Variants in DUSP28 observed in about 807,000 individuals in gnomAD.
The protein encoded by DUSP28 is dual specificity phosphatase 28.
In DUSP28, 11 loss-of-function variants were observed where a neutral mutation model predicts 8.4. The observed-to-expected ratio is 1.31, with a 90% CI of 0.83 to 2.17. The LOEUF (loss-of-function observed/expected upper bound fraction) is 2.17, where lower values mean the gene tolerates loss of function less well. Ranked by LOEUF, DUSP28 falls within the 30% of genes most tolerant of loss-of-function variation. The pLI is 0.00. For missense variants in DUSP28, 373 were observed against 270.4 expected, an observed-to-expected ratio of 1.38 and a Z score of -2.66; for synonymous variants, 178 against 130.9, an observed-to-expected ratio of 1.36 and a Z score of -2.46.
rs2092971144 is a variant in DUSP28, at chr2:240,562,069, T to A, written c.*602T>A. The A allele has an allele frequency of 6.6e-6, 1 of 152,060 alleles. No homozygotes were observed. The highest frequency in any genetic ancestry group is 2.4e-5 in the African/African-American group (1 of 41,374). 9.4% of individuals were successfully genotyped at this position (152,060 alleles called of 1,614,324 possible). A position where few individuals can be genotyped will look rare whatever the true frequency, so the allele number is the denominator to read the frequency against. On this transcript the variant is annotated 3_prime_UTR_variant, in exon 2 of 2. Transcript: ENST00000405954. ...GAGTTCGGACAATTACGGACATCCT[T>A]TTTCTTTCTCTCTTTCTTTTTTTTT...
intron 1 of DUSP28, 56 bp downstream of exon 1, chr2:240,561,133 A>C (rs754471524): frequency 2.0e-5 from 29 of 1,451,246 alleles, no homozygotes; most frequent in South Asian, 1.9e-4. Context: ...TCCGGGGACG[A>C]GTTTTCCGGG....
chr2:240,560,927 C>T lies in DUSP28; in HGVS notation c.243C>T (p.His81=). Residue 81 remains histidine (H), a synonymous_variant, in exon 1 of 2, where the codon CAC becomes CAT. Transcript: ENST00000405954. The part of the protein sequence containing the change: ...FDDPAEDLLA[H]LEPTCAAMEA... ...ACCCGGCTGAGGACCTGCTGGCGCACCTGGAGCCCACGTGCGCCGCCATGG... is the reference window on the plus strand; with the variant it reads ...ACCCGGCTGAGGACCTGCTGGCGCATCTGGAGCCCACGTGCGCCGCCATGG... 1.9e-6 allele frequency: 3 copies of T among 1,539,268 alleles called. No individual in the cohort carries two copies. The highest frequency in any genetic ancestry group is 1.2e-5 in the South Asian group (1 of 84,846).
At position 240,562,367 on chromosome 2, in the gene DUSP28, T is replaced by C. The variant is rs1412072903; in HGVS notation, c.*900T>C. ...TCCCAAAGTGCTGGGATTACAGGCG[T>C]GAGCCACCGTGCCCAGCCTCCTTTT... On this transcript the variant is annotated 3_prime_UTR_variant, in exon 2 of 2. Transcript: ENST00000405954. 1 of 152,256 alleles carries C rather than the reference T, an allele frequency of 6.6e-6. No individual in the cohort carries two copies. The highest frequency in any genetic ancestry group is 1.5e-5 in the Non-Finnish European group (1 of 68,060). The allele number at this position is 152,256 out of a possible 1,614,324, so 9.4% of individuals were successfully genotyped here.
In DUSP28 at chr2:240,561,883, T is replaced by C. The variant is rs2092967726; in HGVS notation, c.*416T>C. 6.4e-6 allele frequency: 1 copy of C among 155,880 alleles called. No homozygotes were observed. The highest frequency in any genetic ancestry group is 1.8e-4 in the South Asian group (1 of 5,582). The allele number at this position is 155,880 out of a possible 1,614,324, so 9.7% of individuals were successfully genotyped here. A position where few individuals can be genotyped will look rare whatever the true frequency, so the allele number is the denominator to read the frequency against. On this transcript the variant is annotated 3_prime_UTR_variant, in exon 2 of 2. Transcript: ENST00000405954. The stretch of plus-strand genomic sequence containing the variant: ...GTCATAAGAACGGACTAGTTCTTCC[T>C]GCGTGACCACGGATGCTTCTGTTTG...
rs774132470 is a variant in DUSP28, at chr2:240,561,340, GC to G, written c.405del (p.Ser135ArgfsTer5). 6.2e-7 allele frequency: 1 copy of G among 1,613,782 alleles called. No individual in the cohort carries two copies. The highest frequency in any genetic ancestry group is 1.7e-4 in the Middle Eastern group (1 of 6,052). ...ACTTCTTGTTTGCAGATGGTGAAGA[GC>G]GCTCGCCCGGTAGCAGAACCGAACC... ...SLAKAFQMVK[S>X]ARPVAEPNPG... On this transcript the variant is annotated frameshift_variant, in exon 2 of 2. Coordinates refer to ENST00000405954, the MANE Select transcript of DUSP28 (RefSeq NM_001370465.2). LOFTEE classifies it low-confidence loss of function (END_TRUNC).
In DUSP28 at chr2:240,560,560, G is replaced by C. The variant is rs1387378787; in HGVS notation, c.-125G>C. The C allele has an allele frequency of 2.2e-5, 28 of 1,273,824 alleles. No homozygotes were observed. Among genetic ancestry groups the C allele is most frequent in the Non-Finnish European group, 2.2e-5 (22 of 1,001,512 alleles). The allele number at this position is 1,273,824 out of a possible 1,614,324, so 78.9% of individuals were successfully genotyped here. On this transcript the variant is annotated 5_prime_UTR_variant, in exon 1 of 2. Transcript: ENST00000405954. Reference sequence around the variant, plus strand: ...CCCAAGCCCCAGCCTGGTCCACCTCGGAGGCCTCTAGGACCCGGGGGCGCC... The same window carrying C: ...CCCAAGCCCCAGCCTGGTCCACCTCCGAGGCCTCTAGGACCCGGGGGCGCC...
Position 240,561,696 on chromosome 2 carries a change from A to G in DUSP28, c.*229A>G, listed in dbSNP as rs1575429314. On this transcript the variant is annotated 3_prime_UTR_variant, in exon 2 of 2. Transcript: ENST00000405954. ...GAAGACAAATTAAGAAAAAGCAAAT[A>G]GGGATCCTCCATTATTTACACTCCA... 7 of 601,986 alleles carry G rather than the reference A, an allele frequency of 1.2e-5. No homozygotes were observed. In the East Asian group the frequency reaches 2.3e-4, roughly 20 times the overall value. The allele number at this position is 601,986 out of a possible 1,614,324, so 37.3% of individuals were successfully genotyped here.
chr2:240,561,664 A>G lies in DUSP28; in HGVS notation c.*197A>G. ...GACACAAAAAGAAATACATTTGGTA[A>G]AACATCGAAGACAAATTAAGAAAAA... On this transcript the variant is annotated 3_prime_UTR_variant, in exon 2 of 2. Coordinates refer to ENST00000405954, the MANE Select transcript of DUSP28 (RefSeq NM_001370465.2). 1 of 790,272 alleles carries G rather than the reference A, an allele frequency of 1.3e-6. No individual in the cohort carries two copies. The highest frequency in any genetic ancestry group is 2.9e-5 in the East Asian group (1 of 34,044). The allele number at this position is 790,272 out of a possible 1,614,324, so 49.0% of individuals were successfully genotyped here.
rs966879537 is a variant in DUSP28, at chr2:240,560,816, A to G, written c.132A>G (p.Gly44=). 1 of 1,435,916 alleles carries G rather than the reference A, an allele frequency of 7.0e-7. No homozygotes were observed. Among genetic ancestry groups the G allele is most frequent in the African/African-American group, 1.5e-5 (1 of 67,308 alleles). 88.9% of individuals were successfully genotyped at this position (1,435,916 alleles called of 1,614,324 possible). ...AGAEEQLARA[G]VTLCVNVSRQ... is the part of the protein sequence containing the mutation. ...CGGAGGAGCAGCTGGCGCGCGCGGGAGTCACGCTGTGCGTCAACGTCTCCC... is the reference window on the plus strand; with the variant it reads ...CGGAGGAGCAGCTGGCGCGCGCGGGGGTCACGCTGTGCGTCAACGTCTCCC... Residue 44 remains glycine, a synonymous_variant, in exon 1 of 2, where the codon GGA becomes GGG. Coordinates refer to ENST00000405954, the MANE Select transcript of DUSP28 (RefSeq NM_001370465.2).
At position 240,561,854 on chromosome 2, in the gene DUSP28, T is replaced by C. The variant is rs1365622942; in HGVS notation, c.*387T>C. 1.2e-5 allele frequency: 2 copies of C among 164,232 alleles called. No individual in the cohort carries two copies. The highest frequency in any genetic ancestry group is 2.4e-5 in the African/African-American group (1 of 41,750). 10.2% of individuals were successfully genotyped at this position (164,232 alleles called of 1,614,324 possible). On this transcript the variant is annotated 3_prime_UTR_variant, in exon 2 of 2. Coordinates refer to ENST00000405954, the MANE Select transcript of DUSP28 (RefSeq NM_001370465.2). ...CAACTCTTCTTGTGTTTATTTTTAG[T>C]AGTGTCATAAGAACGGACTAGTTCT...
At position 240,564,218 on chromosome 2, in the gene DUSP28, T is replaced by G. The variant is rs1559412478; in HGVS notation, c.*2751T>G. Among the ~76,000 whole-genome samples the G allele has an allele frequency of 6.6e-6, 1 of 152,232 alleles. No homozygotes were observed. Among genetic ancestry groups the G allele is most frequent in the South Asian group, 2.1e-4 (1 of 4,834 alleles). Reference sequence around the variant, plus strand: ...CCTGTCTAGGAAGTATGGTTTTCCATCCTTCCTACTGCTTTCTTCACAAGA... The same window carrying G: ...CCTGTCTAGGAAGTATGGTTTTCCAGCCTTCCTACTGCTTTCTTCACAAGA... On this transcript the variant is annotated 3_prime_UTR_variant, in exon 2 of 2. Coordinates refer to ENST00000405954, the MANE Select transcript of DUSP28 (RefSeq NM_001370465.2).
At position 240,564,382 on chromosome 2, in the gene DUSP28, C is replaced by T. The variant is rs1197930738; in HGVS notation, c.*2915C>T. Among the ~76,000 whole-genome samples the T allele has an allele frequency of 6.6e-6, 1 of 152,202 alleles. No homozygotes were observed. Among genetic ancestry groups the T allele is most frequent in the Admixed American group, 6.5e-5 (1 of 15,284 alleles). ...GCCTCCACACTGAGTTTTCATTTTT[C>T]CCAGTTAAGCCCCATCTTCCGGAAA... On this transcript the variant is annotated 3_prime_UTR_variant, in exon 2 of 2. Transcript: ENST00000405954.
At position 240,564,018 on chromosome 2, in the gene DUSP28, G is replaced by A. The variant is rs987366454; in HGVS notation, c.*2551G>A. ...ATAAAATAATAATAAGAAAGCATTG[G>A]CAGCTTTGGTAAACTGCAGATTCAA... On this transcript the variant is annotated 3_prime_UTR_variant, in exon 2 of 2. Transcript: ENST00000405954. 1 of 152,344 alleles carries A rather than the reference G, an allele frequency of 6.6e-6. No homozygotes were observed. Among genetic ancestry groups the A allele is most frequent in the African/African-American group, 2.4e-5 (1 of 41,444 alleles). The allele number at this position is 152,344 out of a possible 1,614,324, so 9.4% of individuals were successfully genotyped here. A position where few individuals can be genotyped will look rare whatever the true frequency, so the allele number is the denominator to read the frequency against.
rs2092865017 is a variant in DUSP28, at chr2:240,560,419, A to C, written c.-266A>C. 1.2e-5 allele frequency: 4 copies of C among 331,850 alleles called. No individual in the cohort carries two copies. The highest frequency in any genetic ancestry group is 1.2e-4 in the South Asian group (1 of 8,560). The allele number at this position is 331,850 out of a possible 1,614,324, so 20.6% of individuals were successfully genotyped here. A position where few individuals can be genotyped will look rare whatever the true frequency, so the allele number is the denominator to read the frequency against. On this transcript the variant is annotated 5_prime_UTR_variant, in exon 1 of 2. Transcript: ENST00000405954. ...GGAGGACGGCGCCCGGGGACAGAGA[A>C]CATGGGACGCAGAGCGGTCCAAGGC...
In DUSP28 at chr2:240,560,587, G is replaced by C. The variant is rs1055551704; in HGVS notation, c.-98G>C. On this transcript the variant is annotated 5_prime_UTR_variant, in exon 1 of 2. Transcript: ENST00000405954. ...AGGCCTCTAGGACCCGGGGGCGCCC[G>C]GCGGCCCGCCCGGCTCCCACAAATA... 4 of 1,323,480 alleles carry C rather than the reference G, an allele frequency of 3.0e-6. No individual in the cohort carries two copies. The highest frequency in any genetic ancestry group is 4.1e-5 in the Admixed American group (1 of 24,636). The allele number at this position is 1,323,480 out of a possible 1,614,324, so 82.0% of individuals were successfully genotyped here.
rs767086994 is a variant in DUSP28, at chr2:240,561,189, G to GTC, written c.393+119_393+120dup. The GTC allele has an allele frequency of 5.5e-5, 83 of 1,501,944 alleles. No homozygotes were observed. The East Asian group carries it at 1.8e-3, about 33-fold the overall frequency. The allele number at this position is 1,501,944 out of a possible 1,614,324, so 93.0% of individuals were successfully genotyped here. ...GGACAGGCACTTCCGGGAGGGGCGG[G>GTC]TCTCTCTCGTGAGGGCGGGCTTAGG... On this transcript the variant is annotated intron_variant, in intron 1 of 1. Coordinates refer to ENST00000405954, the MANE Select transcript of DUSP28 (RefSeq NM_001370465.2).
chr2:240,560,756 CT>C lies in DUSP28; in HGVS notation c.73del (p.Ser25HisfsTer76), dbSNP rs1416174240. ...VPPPLVRVAP[S>X]LFLGSARAAG... ...CTCCACCGTTGGTGCGCGTCGCGCC[CT>C]CACTCTTCCTCGGGAGCGCGCGAGC... On this transcript the variant is annotated frameshift_variant, in exon 1 of 2. Coordinates refer to ENST00000405954, the MANE Select transcript of DUSP28 (RefSeq NM_001370465.2). LOFTEE classifies it high-confidence loss of function. 37 of 1,491,158 alleles carry C rather than the reference CT, an allele frequency of 2.5e-5. No homozygotes were observed. The East Asian group carries it at 1.1e-3, about 43-fold the overall frequency. The allele number at this position is 1,491,158 out of a possible 1,614,324, so 92.4% of individuals were successfully genotyped here.
At chr2:240,561,226 G>A in intron 1 of DUSP28, 104 bp from the exon 2 acceptor site, 3 of 1,582,060 alleles carry the variant, frequency 1.9e-6, no homozygotes, top group Non-Finnish European at 2.6e-6. Context: ...AAGCAGAGAG[G>A]CACTTCCGGG....
At position 240,561,085 on chromosome 2, in the gene DUSP28, G is replaced by T. The variant is rs768550670; in HGVS notation, c.393+8G>T. ...CTGGCGAAGGCCTTCCAGGTGGGCGGGCCTTTAGGGGGGCGGTGTTTCGAG... is the reference window on the plus strand; with the variant it reads ...CTGGCGAAGGCCTTCCAGGTGGGCGTGCCTTTAGGGGGGCGGTGTTTCGAG... On this transcript the variant is annotated splice_region_variant and intron_variant, in intron 1 of 1. Transcript: ENST00000405954. 3 of 1,473,526 alleles carry T rather than the reference G, an allele frequency of 2.0e-6. No homozygotes were observed. Among genetic ancestry groups the T allele is most frequent in the East Asian group, 2.4e-5 (1 of 40,912 alleles). The allele number at this position is 1,473,526 out of a possible 1,614,324, so 91.3% of individuals were successfully genotyped here. A position where few individuals can be genotyped will look rare whatever the true frequency, so the allele number is the denominator to read the frequency against.
Sources: allele counts gnomAD v4.1 joint callset (sites outside exome capture counted in the v4.1 genomes callset), GRCh38; gene constraint gnomAD v4.1.1; transcripts MANE v1.5; gene names NCBI Gene and HGNC (gene_info 2026-07-23, HGNC 2026-07-21).